Variants in SBNO2 observed in about 807,000 individuals in gnomAD.
The protein encoded by SBNO2 is protein strawberry notch homolog 2.
A neutral mutation model predicts 146.3 loss-of-function variants in SBNO2; 89 were observed. That is an observed-to-expected ratio of 0.61 (90% CI 0.51 to 0.73). The LOEUF (loss-of-function observed/expected upper bound fraction) is 0.73, where lower values mean the gene tolerates loss of function less well. SBNO2 is among the 30% of genes least tolerant of loss of function. The pLI is 0.00. For missense variants in SBNO2, 2,092 were observed against 2,003.7 expected (o/e 1.04, Z -0.84); for synonymous variants, 1,147 against 892.6 (o/e 1.29, Z -5.08).
intron 2 of SBNO2, among the ~76,000 whole-genome samples, chr19:1,151,943 G>T (rs762781059): frequency 6.6e-6 from 1 of 152,164 alleles, no homozygotes; most frequent in Non-Finnish European, 1.5e-5. Context: ...GATTTCAGGC[G>T]TGAACCATTG....
At chr19:1,148,223 G>A (rs2080212609) in intron 3 of SBNO2, among the ~76,000 whole-genome samples, 1 of 151,676 alleles carries the variant, frequency 6.6e-6, no homozygotes, top group Non-Finnish European at 1.5e-5. Flanking sequence ...CTGCTCCCAG[G>A]GCAGGGACCG....
chr19:1,114,559 A>G, intron 17 of SBNO2, 137 bp from the exon 18 acceptor site: 1 of 693,612 alleles, frequency 1.4e-6, no homozygotes, highest in East Asian at 3.1e-5. Flanking sequence ...CCTCTGGGCA[A>G]GCAGCTCAGC....
chr19:1,117,174 T>C (rs1021147233), intron 15 of SBNO2, 149 bp downstream of exon 15: 20 of 864,868 alleles, frequency 2.3e-5, no homozygotes, highest in Non-Finnish European at 2.9e-5. Flanking sequence ...CTGGCTCTGA[T>C]TGGAAGACGG....
chr19:1,112,920 G>C lies in SBNO2; in HGVS notation c.2277C>G (p.Ser759=). 4 of 1,567,786 alleles carry C rather than the reference G, an allele frequency of 2.6e-6. No homozygotes were observed. Among genetic ancestry groups the C allele is most frequent in the Non-Finnish European group, 3.5e-6 (4 of 1,158,012 alleles). The change falls in exon 20 of 32, where the codon TCC becomes TCG. Residue 759 remains serine, a synonymous_variant. Coordinates refer to ENST00000361757, the MANE Select transcript of SBNO2 (RefSeq NM_014963.3). This position sits in a 1 kb window ranked among gnomAD's most constrained non-coding sequence, Gnocchi z 5.9. ...EMTGRKGRVV[S]RPDGTVAFES... is the part of the protein sequence containing the mutation. ...CGAAGGCCACCGTCCCGTCGGGCCT[G>C]GACACCACGCGGCCTTTCCTGCCGG...
At chr19:1,115,058 C>T (rs889113792) in intron 17 of SBNO2, among the ~76,000 whole-genome samples, 5 of 149,264 alleles carry the variant, frequency 3.3e-5, no homozygotes, top group Non-Finnish European at 5.9e-5. Flanking sequence ...GCCTCCTGAG[C>T]AGCTGGTATT....
chr19:1,143,184 A>G (rs2080156643), intron 4 of SBNO2, among the ~76,000 whole-genome samples: 1 of 152,058 alleles, frequency 6.6e-6, no homozygotes, highest in Admixed American at 6.6e-5. Flanking sequence ...TGTCAACCTC[A>G]TGGCTCCAAC....
In SBNO2 at chr19:1,117,403, G is replaced by A. The variant is rs868638914; in HGVS notation, c.1624C>T (p.Arg542Cys). 1.3e-6 allele frequency: 2 copies of A among 1,590,132 alleles called. No homozygotes were observed. The highest frequency in any genetic ancestry group is 1.7e-6 in the Non-Finnish European group (2 of 1,169,802). The stretch of plus-strand genomic sequence containing the variant: ...GCGATGCACAGATACTTGAAGAAGC[G>A]CTGGTGTGCCGACCAGAACTGGCCC... Reference protein sequence around the residue: ...LWGQFWSAHQRFFKYLCIAAK... With the variant: ...LWGQFWSAHQCFFKYLCIAAK... The change falls in exon 15 of 32, where the codon CGC (arginine) becomes TGC (cysteine). Residue 542 changes from arginine to cysteine, a missense_variant. By Grantham distance (180) the Arg-to-Cys change is radical (BLOSUM62 -3). Transcript: ENST00000361757.
intron 4 of SBNO2, among the ~76,000 whole-genome samples, chr19:1,132,768 AG>A (rs1394965287): frequency 3.3e-5 from 5 of 151,638 alleles, no homozygotes; most frequent in Non-Finnish European, 7.4e-5. Flanking sequence ...GTCCGTGCCC[AG>A]GGGGTTCAGC....
intron 2 of SBNO2, among the ~76,000 whole-genome samples, chr19:1,151,142 C>T (rs1304158904): frequency 1.3e-5 from 2 of 152,242 alleles, no homozygotes. Context: ...ACAGGAACTT[C>T]CCAAGGCCAT....
intron 4 of SBNO2, among the ~76,000 whole-genome samples, chr19:1,131,610 C>T (rs1207917286): frequency 1.3e-5 from 2 of 152,206 alleles, no homozygotes; most frequent in Admixed American, 6.5e-5. Flanking sequence ...CCTGCGCCAC[C>T]AGAGCCAGCC....
intron 16 of SBNO2, among the ~76,000 whole-genome samples, chr19:1,116,614 C>T (rs2079835076): frequency 6.6e-6 from 1 of 152,148 alleles, no homozygotes; most frequent in Non-Finnish European, 1.5e-5. Context: ...CCAAACCTTC[C>T]AGGCCCACCA....
intron 17 of SBNO2, 127 bp from the exon 18 acceptor site, chr19:1,114,549 C>A (rs1036334801): frequency 1.3e-6 from 1 of 751,904 alleles, no homozygotes; most frequent in Non-Finnish European, 2.0e-6. Context: ...GAACCCCCTG[C>A]CTCTGGGCAA....
rs2145182700 is a variant in SBNO2, at chr19:1,109,250, G to A, written c.3349-39C>T. ...GCCGCATGAGCCTGGGCGGGGTCAG[G>A]GCCGGCAACCCGAGCGAAAGCTGCG... is the stretch of plus-strand genomic sequence containing the variant. On this transcript the variant is annotated intron_variant, in intron 29 of 31. Transcript: ENST00000361757. This position sits in a 1 kb window ranked among gnomAD's most constrained non-coding sequence, Gnocchi z 4.2. 1 of 1,575,414 alleles carries A rather than the reference G, an allele frequency of 6.3e-7. No individual in the cohort carries two copies.
chr19:1,126,599 C>T lies in SBNO2; in HGVS notation c.441+1005G>A, dbSNP rs1056985469. ...AGCCACCCACCGTGGCTGCGGGGTGCCCTGATGCTTCCTGCCTGGGCCCCC... is the reference window on the plus strand; with the variant it reads ...AGCCACCCACCGTGGCTGCGGGGTGTCCTGATGCTTCCTGCCTGGGCCCCC... On this transcript the variant is annotated intron_variant, in intron 5 of 31. Coordinates refer to ENST00000361757, the MANE Select transcript of SBNO2 (RefSeq NM_014963.3). This position sits in a 1 kb window ranked among gnomAD's most constrained non-coding sequence, Gnocchi z 4.4. 1.4e-4 allele frequency among the ~76,000 whole-genome samples: 21 copies of T among 152,120 alleles called. No individual in the cohort carries two copies. The highest frequency in any genetic ancestry group is 5.1e-4 in the African/African-American group (21 of 41,414).
rs1475320213 is a variant in SBNO2 at position 1,123,929 on chromosome 19, G to A, written c.522+13C>T. On this transcript the variant is annotated intron_variant, in intron 6 of 31. Coordinates refer to ENST00000361757, the MANE Select transcript of SBNO2 (RefSeq NM_014963.3). ...AGGGCAGGGGAGGGAGCTCTCGGCT[G>A]GGCCCAGCTCACCTGGTAGCTGACG... 6.2e-7 allele frequency: 1 copy of A among 1,609,314 alleles called. No individual in the cohort carries two copies. Among genetic ancestry groups the A allele is most frequent in the Non-Finnish European group, 8.5e-7 (1 of 1,178,228 alleles).
intron 18 of SBNO2, among the ~76,000 whole-genome samples, 196 bp from the exon 19 acceptor site, chr19:1,113,900 G>A (rs1366890400): frequency 6.6e-6 from 1 of 152,204 alleles, no homozygotes; most frequent in Non-Finnish European, 1.5e-5. Context: ...GCTGGGGCGA[G>A]ACTAAGCCTC....
At chr19:1,145,204 C>T (rs1442857285) in intron 4 of SBNO2, among the ~76,000 whole-genome samples, 2 of 151,536 alleles carry the variant, frequency 1.3e-5, no homozygotes, top group Non-Finnish European at 2.9e-5. Flanking sequence ...CGGTGGCTCA[C>T]GCCTGTAATC....
At chr19:1,165,284 G>A (rs2080402140) in intron 1 of SBNO2, among the ~76,000 whole-genome samples, 2 of 152,180 alleles carry the variant, frequency 1.3e-5, no homozygotes, top group African/African-American at 4.8e-5. Context: ...GCCTGGAAAG[G>A]GAATAAAGGA....
rs757306918 is a variant in SBNO2, at chr19:1,170,095, G to A, written c.-127+4077C>T. Among the ~76,000 whole-genome samples, 4 of 152,196 alleles carry A rather than the reference G, an allele frequency of 2.6e-5. 1 individual carries two copies. The highest frequency in any genetic ancestry group is 2.6e-4 in the Admixed American group (4 of 15,280). The stretch of plus-strand genomic sequence containing the variant: ...GGCCTTTTGCGTCTGGCGTCTCTCC[G>A]CAAGCACGTCTCCGCAGAGCATCCA... On this transcript the variant is annotated intron_variant, in intron 1 of 31. Transcript: ENST00000361757.
Sources: allele counts gnomAD v4.1 joint callset (sites outside exome capture counted in the v4.1 genomes callset), GRCh38; gene constraint gnomAD v4.1.1; non-coding constraint Gnocchi (gnomAD v3.1); transcripts MANE v1.5; gene names NCBI Gene and HGNC (gene_info 2026-07-23, HGNC 2026-07-21).